NUP214: variants seen among roughly 807,000 people sequenced by gnomAD.
NUP214 encodes nuclear pore complex protein Nup214.
A neutral mutation model predicts 196.2 loss-of-function variants in NUP214; 79 were observed. That is an observed-to-expected ratio of 0.40 (90% CI 0.34 to 0.49). NUP214 has a LOEUF of 0.49. Ranked by LOEUF, NUP214 falls within the 20% of genes least tolerant of loss-of-function variation. The pLI is 0.58. For synonymous variants in NUP214, 1,020 were observed against 990.5 expected (o/e 1.03, Z -0.56); for missense variants, 2,468 against 2,539.0 (o/e 0.97, Z 0.60).
intron 25 of NUP214, among the ~76,000 whole-genome samples, chr9:131,188,176 G>A (rs1337939616): frequency 6.6e-6 from 1 of 152,172 alleles, no homozygotes; most frequent in African/African-American, 2.4e-5. Flanking sequence ...ATCAATGTCT[G>A]GGGTATAGGT....
intron 21 of NUP214, among the ~76,000 whole-genome samples, chr9:131,173,426 C>G (rs1389561821): frequency 7.7e-6 from 1 of 129,246 alleles, no homozygotes; most frequent in African/African-American, 2.9e-5. Flanking sequence ...GAGACAGGGT[C>G]TCACTATGTT....
intron 21 of NUP214, among the ~76,000 whole-genome samples, chr9:131,171,547 C>CTTTTTTTTTT (rs11334591): frequency 1.6e-5 from 2 of 127,350 alleles, no homozygotes; most frequent in Non-Finnish European, 3.4e-5. Context: ...GGAAGATTTT[C>CTTTTTTTTTT]TTTTTTTTTT....
At chr9:131,216,930 T>C (rs982301092) in intron 31 of NUP214, among the ~76,000 whole-genome samples, 1 of 152,186 alleles carries the variant, frequency 6.6e-6, no homozygotes, top group Admixed American at 6.5e-5. Flanking sequence ...GATTAGAAGT[T>C]GGGAGCCTGT....
intron 31 of NUP214, among the ~76,000 whole-genome samples, chr9:131,218,064 A>G (rs1029691743): frequency 3.9e-5 from 6 of 152,194 alleles, no homozygotes; most frequent in Non-Finnish European, 7.3e-5. Flanking sequence ...TAAACACATA[A>G]CTATTCTTGA....
In NUP214 at chr9:131,146,428, CATTA is replaced by C; in HGVS notation, c.1945+127_1945+130del. The C allele has an allele frequency of 1.1e-6, 1 of 935,366 alleles. No homozygotes were observed. Among genetic ancestry groups the C allele is most frequent in the South Asian group, 1.7e-5 (1 of 58,874 alleles). The allele number at this position is 935,366 out of a possible 1,614,324, so 57.9% of individuals were successfully genotyped here. A position where few individuals can be genotyped will look rare whatever the true frequency, so the allele number is the denominator to read the frequency against. On this transcript the variant is annotated intron_variant, in intron 13 of 35. Coordinates refer to ENST00000359428, the MANE Select transcript of NUP214 (RefSeq NM_005085.4). The surrounding 1 kb of genome is among the most constrained non-coding windows in gnomAD (Gnocchi z 4.6). ...ATTTTTTCTTGCTTCCTGTATCATA[CATTA>C]ATGATTAATGTGCTGTGATTTTCAT...
In NUP214 at chr9:131,132,624, G is replaced by T. The variant is rs367831865; in HGVS notation, c.692G>T (p.Cys231Phe). Residue 231 changes from cysteine to phenylalanine, a missense_variant, in exon 6 of 36, where the codon TGT becomes TTT. Physicochemically the swap from Cys to Phe is radical, Grantham distance 205. Transcript: ENST00000359428. ...PTLQEKKVIP[C>F]PPFYESDHPV... is the part of the protein sequence containing the mutation. ...TTGCAGGAAAAAAAAGTCATTCCTT[G>T]TCCTCCGTTTTATGAGTCAGATCAT... The T allele has an allele frequency of 1.2e-6, 2 of 1,614,036 alleles. No individual in the cohort carries two copies. The highest frequency in any genetic ancestry group is 2.2e-5 in the South Asian group (2 of 91,082).
intron 18 of NUP214, among the ~76,000 whole-genome samples, chr9:131,162,503 T>C (rs1386746147): frequency 6.6e-6 from 1 of 152,222 alleles, no homozygotes; most frequent in Non-Finnish European, 1.5e-5. Context: ...TTTAGTTCTT[T>C]TGGGCAGGTT....
chr9:131,231,066 G>A (rs565786103), intron 34 of NUP214, among the ~76,000 whole-genome samples: 1 of 152,272 alleles, frequency 6.6e-6, no homozygotes, highest in East Asian at 1.9e-4. Flanking sequence ...GGAGGCTGAA[G>A]CAGGAGGATC....
At position 131,233,855 on chromosome 9, in the gene NUP214, G is replaced by A. The variant is rs1834944358; in HGVS notation, c.*368G>A. ...GCGTCGGGTGTTGATAAACAGCATCGAATGTGCCGTGGTCTCACTTGGACC... is the reference window on the plus strand; with the variant it reads ...GCGTCGGGTGTTGATAAACAGCATCAAATGTGCCGTGGTCTCACTTGGACC... On this transcript the variant is annotated 3_prime_UTR_variant, in exon 36 of 36. Coordinates refer to ENST00000359428, the MANE Select transcript of NUP214 (RefSeq NM_005085.4). 7.4e-6 allele frequency: 3 copies of A among 403,314 alleles called. No individual in the cohort carries two copies. The highest frequency in any genetic ancestry group is 3.9e-5 in the Admixed American group (1 of 25,824). 25.0% of individuals were successfully genotyped at this position (403,314 alleles called of 1,614,324 possible). A position where few individuals can be genotyped will look rare whatever the true frequency, so the allele number is the denominator to read the frequency against.
chr9:131,178,486 G>T, intron 24 of NUP214, 76 bp downstream of exon 24: 2 of 1,045,344 alleles, frequency 1.9e-6, no homozygotes, highest in Non-Finnish European at 2.9e-6. Context: ...GGGAGCAGCA[G>T]TGCCACTGTC....
chr9:131,192,002 G>C, intron 26 of NUP214: 2 of 436,502 alleles, frequency 4.6e-6, no homozygotes, highest in South Asian at 9.8e-5. Context: ...AACATTGACA[G>C]AGCCACGGAG....
chr9:131,139,233 T>G (rs1307461724), intron 9 of NUP214, 48 bp from the exon 10 acceptor site: 2 of 1,454,028 alleles, frequency 1.4e-6, no homozygotes, highest in South Asian at 2.8e-5. Flanking sequence ...AACATGGCTT[T>G]TTCTTTTTTC....
intron 4 of NUP214, among the ~76,000 whole-genome samples, chr9:131,130,062 T>C (rs961139636): frequency 3.9e-5 from 6 of 151,966 alleles, no homozygotes; most frequent in Non-Finnish European, 7.4e-5. Flanking sequence ...GGTGGTACTC[T>C]GAAAGTCATT....
intron 28 of NUP214, 126 bp from the exon 29 acceptor site, chr9:131,197,090 A>C (rs964741652): frequency 3.0e-6 from 4 of 1,326,114 alleles, no homozygotes; most frequent in Non-Finnish European, 4.1e-6. Context: ...AGCTGCTGTG[A>C]GAACAAGGCA....
intron 32 of NUP214, among the ~76,000 whole-genome samples, chr9:131,223,718 TATTTATTTA>T (rs1834631634): frequency 5.5e-5 from 1 of 18,052 alleles, no homozygotes; most frequent in African/African-American, 1.1e-4. Flanking sequence ...TATTTTTATT[TATTTATTTA>T]TTTTTTTTTT....
At chr9:131,161,259 C>CTTTTTT (rs34588166) in intron 18 of NUP214, among the ~76,000 whole-genome samples, 2 of 136,198 alleles carry the variant, frequency 1.5e-5, no homozygotes, top group African/African-American at 5.4e-5. Flanking sequence ...ATTGAAATGC[C>CTTTTTT]TTTTTTTTTT....
At position 131,195,855 on chromosome 9, in the gene NUP214, G is replaced by A. The variant is rs539713325; in HGVS notation, c.3721+561G>A. 1.2e-4 allele frequency among the ~76,000 whole-genome samples: 18 copies of A among 152,130 alleles called. No individual in the cohort carries two copies. In the East Asian group the frequency reaches 3.3e-3, roughly 28 times the overall value. On this transcript the variant is annotated intron_variant, in intron 28 of 35. Coordinates refer to ENST00000359428, the MANE Select transcript of NUP214 (RefSeq NM_005085.4). ...AGCCTGACCAACATGGAGAAACCCCGTGTCTACTAAAAATACAAAATTAGC... is the reference window on the plus strand; with the variant it reads ...AGCCTGACCAACATGGAGAAACCCCATGTCTACTAAAAATACAAAATTAGC...
chr9:131,166,759 C>A (rs896928683), intron 21 of NUP214, among the ~76,000 whole-genome samples: 15 of 147,802 alleles, frequency 1.0e-4, no homozygotes, highest in African/African-American at 3.7e-4. Flanking sequence ...TTGCCTTTGC[C>A]TTTTTTTTTT....
intron 22 of NUP214, 129 bp downstream of exon 22, chr9:131,174,447 CTTTTTTTCTTTTT>C (rs1322568102): frequency 1.1e-5 from 4 of 350,278 alleles, no homozygotes; most frequent in South Asian, 1.0e-4. Flanking sequence ...TTTTTTTTTT[CTTTTTTTCTTTTT>C]TTTTTTGAGG....
Sources: allele counts gnomAD v4.1 joint callset (sites outside exome capture counted in the v4.1 genomes callset), GRCh38; gene constraint gnomAD v4.1.1; non-coding constraint Gnocchi (gnomAD v3.1); transcripts MANE v1.5; gene names NCBI Gene and HGNC (gene_info 2026-07-23, HGNC 2026-07-21).